SAT1: variants seen among roughly 807,000 people sequenced by gnomAD.
SAT1 encodes the protein spermidine/spermine N1-acetyltransferase 1.
Under a neutral mutation model 14.7 loss-of-function variants are expected in SAT1, and 1 was observed. The ratio of observed to expected loss-of-function variants is 0.07; its 90% CI spans 0.02 to 0.32. The LOEUF (loss-of-function observed/expected upper bound fraction) is 0.32. Ranked by LOEUF, SAT1 falls within the 10% of genes least tolerant of loss-of-function variation. SAT1 has a pLI of 1.00. For synonymous variants in SAT1, 67 were observed against 46.1 expected (o/e 1.45, Z -1.84); for missense variants, 77 against 129.1 (o/e 0.60, Z 1.96).
Position 23,783,195 on chromosome X carries a change from G to C in SAT1, c.-157G>C, listed in dbSNP as rs753371942. The stretch of plus-strand genomic sequence containing the variant: ...AATGCGCAGCTCTTAGTCGCGGGCC[G>C]ACTGGTGTTTATCCGTCACTCGCCG... On this transcript the variant is annotated 5_prime_UTR_variant, in exon 1 of 6. Coordinates refer to ENST00000379270, the MANE Select transcript of SAT1 (RefSeq NM_002970.4). 5.2e-5 allele frequency: 26 copies of C among 497,984 alleles called. No homozygotes were observed. The highest frequency in any genetic ancestry group is 2.6e-4 in the African/African-American group (11 of 42,361). The allele number at this position is 497,984 out of a possible 1,213,427, so 41.0% of individuals were successfully genotyped here. A position where few individuals can be genotyped will look rare whatever the true frequency, so the allele number is the denominator to read the frequency against.
chrX:23,783,245 C>A lies in SAT1; in HGVS notation c.-107C>A. 1 of 751,967 alleles carries A rather than the reference C, an allele frequency of 1.3e-6. No individual in the cohort carries two copies. The highest frequency in any genetic ancestry group is 2.0e-6 in the Non-Finnish European group (1 of 489,101). 62.0% of individuals were successfully genotyped at this position (751,967 alleles called of 1,213,427 possible). A position where few individuals can be genotyped will look rare whatever the true frequency, so the allele number is the denominator to read the frequency against. On this transcript the variant is annotated 5_prime_UTR_variant, in exon 1 of 6. Coordinates refer to ENST00000379270, the MANE Select transcript of SAT1 (RefSeq NM_002970.4). ...GAGGTTCCTTGGGTCATGGTGCCAGCCTGACTGAGAAGAGGACGCTCCCGG... is the reference window on the plus strand; with the variant it reads ...GAGGTTCCTTGGGTCATGGTGCCAGACTGACTGAGAAGAGGACGCTCCCGG...
Position 23,783,196 on chromosome X carries a change from A to G in SAT1, c.-156A>G, listed in dbSNP as rs1191999803. Reference sequence around the variant, plus strand: ...ATGCGCAGCTCTTAGTCGCGGGCCGACTGGTGTTTATCCGTCACTCGCCGA... The same window carrying G: ...ATGCGCAGCTCTTAGTCGCGGGCCGGCTGGTGTTTATCCGTCACTCGCCGA... On this transcript the variant is annotated 5_prime_UTR_variant, in exon 1 of 6. Coordinates refer to ENST00000379270, the MANE Select transcript of SAT1 (RefSeq NM_002970.4). 1.0e-5 allele frequency: 5 copies of G among 498,211 alleles called. No individual in the cohort carries two copies. Among genetic ancestry groups the G allele is most frequent in the Middle Eastern group, 8.2e-4 (2 of 2,445 alleles). 41.1% of individuals were successfully genotyped at this position (498,211 alleles called of 1,213,427 possible).
intron 3 of SAT1, chrX:23,784,673 C>T (rs1427081740): frequency 1.0e-5 from 1 of 96,954 alleles, no homozygotes; most frequent in African/African-American, 3.9e-5. Flanking sequence ...GACGTCTGTT[C>T]CTCAGGCTGG....
At chrX:23,785,296 T>C in intron 3 of SAT1, 32 bp from the exon 4 acceptor site, 2 of 1,062,192 alleles carry the variant, frequency 1.9e-6, no homozygotes, top group Non-Finnish European at 2.6e-6. Flanking sequence ...ATGTTTTCCT[T>C]CTCCACATCT....
At position 23,783,804 on chromosome X, in the gene SAT1, G is replaced by A; in HGVS notation, c.123G>A (p.Leu41=). 8.3e-7 allele frequency: 1 copy of A among 1,211,840 alleles called. No individual in the cohort carries two copies. The highest frequency in any genetic ancestry group is 1.1e-6 in the Non-Finnish European group (1 of 895,530). ...CCCTGCTCCCCCTTCTTGCAGATCT[G>A]CTAGAAGATGGTTTTGGAGAGCACC... ...EEQVILTEKD[L]LEDGFGEHPF... Residue 41 remains leucine (L), a synonymous_variant, in exon 3 of 6, where the codon CTG becomes CTA. Transcript: ENST00000379270.
At chrX:23,785,121 TGCAAATACA>T in intron 3 of SAT1, 198 bp from the exon 4 acceptor site, 1 of 436,449 alleles carries the variant, frequency 2.3e-6, no homozygotes, top group Admixed American at 4.1e-5. Context: ...GTGTGCTTTT[TGCAAATACA>T]TGTTCTCAGA....
At chrX:23,783,598 G>A in intron 1 of SAT1, 60 bp from the exon 2 acceptor site, 1 of 935,051 alleles carries the variant, frequency 1.1e-6, no homozygotes, top group South Asian at 2.4e-5. Flanking sequence ...CCCCTGAGCT[G>A]GCCGGGCCGG....
chrX:23,783,549 C>A, intron 1 of SAT1, 109 bp from the exon 2 acceptor site: 2 of 942,154 alleles, frequency 2.1e-6, no homozygotes, highest in Non-Finnish European at 1.4e-6. Context: ...CGCCCATCCC[C>A]GGCTCGGCCG....
chrX:23,785,942 T>C lies in SAT1; in HGVS notation c.*86T>C. Reference sequence around the variant, plus strand: ...GCTTTCTATGCTGTTTGTAGTGAAATAATAGAATGAGCACCCATTCCAAAG... The same window carrying C: ...GCTTTCTATGCTGTTTGTAGTGAAACAATAGAATGAGCACCCATTCCAAAG... On this transcript the variant is annotated 3_prime_UTR_variant, in exon 6 of 6. Coordinates refer to ENST00000379270, the MANE Select transcript of SAT1 (RefSeq NM_002970.4). 1.2e-6 allele frequency: 1 copy of C among 823,201 alleles called. No homozygotes were observed. The highest frequency in any genetic ancestry group is 1.7e-6 in the Non-Finnish European group (1 of 595,345). The allele number at this position is 823,201 out of a possible 1,213,427, so 67.8% of individuals were successfully genotyped here. A position where few individuals can be genotyped will look rare whatever the true frequency, so the allele number is the denominator to read the frequency against.
intron 4 of SAT1, 39 bp downstream of exon 4, chrX:23,785,468 C>G: frequency 8.5e-7 from 1 of 1,172,747 alleles, no homozygotes; most frequent in Non-Finnish European, 1.2e-6. Flanking sequence ...GAAGAGAGTT[C>G]AGAGTTATAA....
At chrX:23,783,579 C>CCAAACCCAA in intron 1 of SAT1, 79 bp from the exon 2 acceptor site, 2 of 770,311 alleles carry the variant, frequency 2.6e-6, no homozygotes, top group Non-Finnish European at 3.7e-6. Flanking sequence ...CCGCCCGCCC[C>CCAAACCCAA]ATTCCGTTCC....
intron 3 of SAT1, chrX:23,785,086 T>C: frequency 4.9e-6 from 2 of 408,488 alleles, no homozygotes; most frequent in Admixed American, 8.8e-5. Flanking sequence ...TCCACAGTTG[T>C]AGCCTGACTT....
At chrX:23,785,095 T>A (rs763581565) in intron 3 of SAT1, 27 of 411,922 alleles carry the variant, frequency 6.6e-5, no homozygotes, top group Non-Finnish European at 8.4e-5. Context: ...GTAGCCTGAC[T>A]TCAGTGAGTT....
intron 1 of SAT1, 93 bp from the exon 2 acceptor site, chrX:23,783,562 ACCC>A: frequency 1.2e-5 from 8 of 673,052 alleles, no homozygotes; most frequent in Non-Finnish European, 1.8e-5. Flanking sequence ...CTCGGCCGCC[ACCC>A]CGCCCGCCCG....
chrX:23,783,956 C>CACTG (rs1922613587), intron 3 of SAT1, 73 bp downstream of exon 3: 1 of 1,205,300 alleles, frequency 8.3e-7, no homozygotes, highest in African/African-American at 1.8e-5. Context: ...TGTGTAGAAC[C>CACTG]ACTGACTACA....
chrX:23,785,853 G>T lies in SAT1; in HGVS notation c.513G>T (p.Glu171Asp). The T allele has an allele frequency of 8.4e-7, 1 of 1,185,646 alleles. No individual in the cohort carries two copies. The highest frequency in any genetic ancestry group is 1.1e-6 in the Non-Finnish European group (1 of 881,494). Residue 171 changes from glutamate to aspartate, a missense_variant, in exon 6 of 6, where the codon GAG becomes GAT. Coordinates refer to ENST00000379270, the MANE Select transcript of SAT1 (RefSeq NM_002970.4). ...ACTTGCTAAAAATGGCAACAGAGGA[G>T]TGAGGAGTGCTGCTGTAGATGACAA... ...KEYLLKMATE[E>D]
chrX:23,783,944 G>T (rs756702253), intron 3 of SAT1, 61 bp downstream of exon 3: 1 of 1,209,840 alleles, frequency 8.3e-7, no homozygotes, highest in South Asian at 1.8e-5. Context: ...AGTAGTGTCG[G>T]CTGTGTAGAA....
rs193127399 is a variant in SAT1, at chrX:23,784,071, C to G, written c.202+188C>G. The G allele has an allele frequency of 5.5e-4, 612 of 1,109,949 alleles. 2 individuals are homozygous for G. The African/African-American group carries it at 0.01, about 19-fold the overall frequency. The allele number at this position is 1,109,949 out of a possible 1,213,427, so 91.5% of individuals were successfully genotyped here. A position where few individuals can be genotyped will look rare whatever the true frequency, so the allele number is the denominator to read the frequency against. On this transcript the variant is annotated intron_variant, in intron 3 of 5. Coordinates refer to ENST00000379270, the MANE Select transcript of SAT1 (RefSeq NM_002970.4). Reference sequence around the variant, plus strand: ...TATGCTGCACTTAAGAATACTAGGGCAGGTTAAAAGAGCTGTTTAAGTAAG... The same window carrying G: ...TATGCTGCACTTAAGAATACTAGGGGAGGTTAAAAGAGCTGTTTAAGTAAG...
intron 1 of SAT1, 79 bp from the exon 2 acceptor site, chrX:23,783,579 C>CCAAAACAA: frequency 1.9e-5 from 15 of 770,189 alleles, no homozygotes; most frequent in Non-Finnish European, 2.6e-5. Context: ...CCGCCCGCCC[C>CCAAAACAA]ATTCCGTTCC....
Sources: allele counts gnomAD v4.1 joint callset, GRCh38; gene constraint gnomAD v4.1.1; transcripts MANE v1.5; gene names NCBI Gene and HGNC (gene_info 2026-07-23, HGNC 2026-07-21).